The following ESRRA variants were observed in gnomAD, a reference collection of about 807,000 sequenced individuals.
ESRRA encodes steroid hormone receptor ERR1.
In ESRRA, 7 loss-of-function variants were observed where a neutral mutation model predicts 35.6. The observed-to-expected ratio is 0.20, with a 90% confidence interval of 0.11 to 0.37. The LOEUF (loss-of-function observed/expected upper bound fraction) is 0.37, where lower values mean the gene tolerates loss of function less well. ESRRA is among the 10% of genes least tolerant of loss of function. The pLI is 1.00. For missense variants in ESRRA, 378 were observed against 561.7 expected (o/e 0.67, Z 3.31); for synonymous variants, 223 against 246.9 (o/e 0.90, Z 0.91).
Position 64,309,066 on chromosome 11 carries a change from G to A in ESRRA, c.325+1562G>A, listed in dbSNP as rs201789137. On this transcript the variant is annotated intron_variant, in intron 2 of 6. Transcript: ENST00000000442. ...GCAGAGGTTGCAATGAGCCCAGATC[G>A]CGCCATTGCACTCTAGCCTGCGCAA... Among the ~76,000 whole-genome samples, 279 of 145,742 alleles carry A rather than the reference G, an allele frequency of 1.9e-3. 2 individuals are homozygous for A. Among genetic ancestry groups the A allele is most frequent in the East Asian group, 0.017 (83 of 4,838 alleles).
At chr11:64,314,665 C>A in intron 4 of ESRRA, 76 bp from the exon 5 acceptor site, 1 of 1,432,102 alleles carries the variant, frequency 7.0e-7, no homozygotes, top group South Asian at 1.3e-5. Context: ...CAGGGGGAGC[C>A]ACTGTGGGAA....
Position 64,313,068 on chromosome 11 carries a change from A to G in ESRRA, c.326-883A>G, listed in dbSNP as rs1355280838. Among the ~76,000 whole-genome samples, 1 of 152,138 alleles carries G rather than the reference A, an allele frequency of 6.6e-6. No individual in the cohort carries two copies. Among genetic ancestry groups the G allele is most frequent in the Admixed American group, 6.5e-5 (1 of 15,268 alleles). The stretch of plus-strand genomic sequence containing the variant: ...CCCTCTTGGCTGCTGAGTCGAGAAC[A>G]GACTGGAGCAAGCAGGGACAGCCAA... On this transcript the variant is annotated intron_variant, in intron 2 of 6. Coordinates refer to ENST00000000442, the MANE Select transcript of ESRRA (RefSeq NM_004451.5). The surrounding 1 kb of genome is among the most constrained non-coding windows in gnomAD (Gnocchi z 4.0).
chr11:64,311,416 C>CTT (rs5792321), intron 2 of ESRRA, among the ~76,000 whole-genome samples: 1 of 125,676 alleles, frequency 8.0e-6, no homozygotes, highest in Non-Finnish European at 1.7e-5. Flanking sequence ...GAGGGCTTGT[C>CTT]TTTTTTTTTT....
Position 64,313,286 on chromosome 11 carries a change from G to T in ESRRA, c.326-665G>T, listed in dbSNP as rs1227425876. Among the ~76,000 whole-genome samples the T allele has an allele frequency of 1.3e-5, 2 of 152,300 alleles. No individual in the cohort carries two copies. The highest frequency in any genetic ancestry group is 3.9e-4 in the East Asian group (2 of 5,178). ...AAGTGAACACGTGGAGTCCACGTAG[G>T]CTGTGTTCGGTCCGAGATGCCTTCT... On this transcript the variant is annotated intron_variant, in intron 2 of 6. Transcript: ENST00000000442. This position sits in a 1 kb window ranked among gnomAD's most constrained non-coding sequence, Gnocchi z 4.0.
Position 64,313,743 on chromosome 11 carries a change from C to T in ESRRA, c.326-208C>T, listed in dbSNP as rs2035184932. 1 of 527,014 alleles carries T rather than the reference C, an allele frequency of 1.9e-6. No individual in the cohort carries two copies. Among genetic ancestry groups the T allele is most frequent in the African/African-American group, 1.9e-5 (1 of 52,108 alleles). The allele number at this position is 527,014 out of a possible 1,614,324, so 32.6% of individuals were successfully genotyped here. ...GGCTTGGGGCTGAGATGCAGCCCCG[C>T]TGCCTGGTCCAGCTCCTCCCTCATC... On this transcript the variant is annotated intron_variant, in intron 2 of 6. Transcript: ENST00000000442. The surrounding 1 kb of genome is among the most constrained non-coding windows in gnomAD (Gnocchi z 4.0).
chr11:64,311,997 G>A (rs866821529), intron 2 of ESRRA, among the ~76,000 whole-genome samples: 1 of 1,624 alleles, frequency 6.2e-4, no homozygotes. Context: ...TTTTTTTTTG[G>A]TACAGAGTTT....
chr11:64,308,539 G>T (rs1186526671), intron 2 of ESRRA, among the ~76,000 whole-genome samples: 6 of 106,186 alleles, frequency 5.7e-5, no homozygotes, highest in Non-Finnish European at 1.2e-4. Context: ...AAAAAAAAAA[G>T]GCCGGGCACT....
chr11:64,306,315 GC>G, intron 1 of ESRRA: 1 of 152,462 alleles, frequency 6.6e-6, no homozygotes, highest in African/African-American at 2.4e-5. Flanking sequence ...GGGACGCGGC[GC>G]CCCGGGAGGT....
In ESRRA at chr11:64,316,704, C is replaced by T. The variant is rs1327001716; in HGVS notation, c.*738C>T. Reference sequence around the variant, plus strand: ...AAGAGAAACCGCTTTTGGTTTTAAACCTTTAATGAGAAAAAAATATATAAT... The same window carrying T: ...AAGAGAAACCGCTTTTGGTTTTAAATCTTTAATGAGAAAAAAATATATAAT... On this transcript the variant is annotated 3_prime_UTR_variant, in exon 7 of 7. Coordinates refer to ENST00000000442, the MANE Select transcript of ESRRA (RefSeq NM_004451.5). 3.2e-6 allele frequency: 2 copies of T among 621,862 alleles called. No homozygotes were observed. Among genetic ancestry groups the T allele is most frequent in the Non-Finnish European group, 5.8e-6 (2 of 344,186 alleles). The allele number at this position is 621,862 out of a possible 1,614,324, so 38.5% of individuals were successfully genotyped here.
Position 64,313,027 on chromosome 11 carries a change from T to C in ESRRA, c.326-924T>C, listed in dbSNP as rs1008242490. Among the ~76,000 whole-genome samples the C allele has an allele frequency of 6.6e-6, 1 of 152,002 alleles. No individual in the cohort carries two copies. Among genetic ancestry groups the C allele is most frequent in the Non-Finnish European group, 1.5e-5 (1 of 68,006 alleles). ...TGAGAAGAGGAGGTACAGGATGTAA[T>C]GGAGGCTTAATAGGACCCTCTTGGC... On this transcript the variant is annotated intron_variant, in intron 2 of 6. Transcript: ENST00000000442. This position sits in a 1 kb window ranked among gnomAD's most constrained non-coding sequence, Gnocchi z 4.0.
chr11:64,315,736 G>A lies in ESRRA; in HGVS notation c.1042G>A (p.Val348Met), dbSNP rs2035239596. 1 of 1,613,958 alleles carries A rather than the reference G, an allele frequency of 6.2e-7. No individual in the cohort carries two copies. Among genetic ancestry groups the A allele is most frequent in the Non-Finnish European group, 8.5e-7 (1 of 1,179,824 alleles). Residue 348 changes from valine to methionine, a missense_variant, in exon 7 of 7, where the codon GTG (valine) becomes ATG (methionine). By Grantham distance (21) the Val-to-Met change is conservative. Transcript: ENST00000000442. The stretch of plus-strand genomic sequence containing the variant: ...TGTGCACATCGAAGATGCCGAGGCT[G>A]TGGAGCAGCTGCGAGAAGCTCTGCA... Reference protein sequence around the residue: ...DSVHIEDAEAVEQLREALHEA... With the variant: ...DSVHIEDAEAMEQLREALHEA...
chr11:64,307,670 G>A (rs1320391070), intron 2 of ESRRA, among the ~76,000 whole-genome samples, 166 bp downstream of exon 2: 1 of 152,232 alleles, frequency 6.6e-6, no homozygotes, highest in East Asian at 1.9e-4. Context: ...TATGGTAAAA[G>A]CACCGGGTGT....
chr11:64,310,266 G>A (rs1428192591), intron 2 of ESRRA, among the ~76,000 whole-genome samples: 1 of 144,438 alleles, frequency 6.9e-6, no homozygotes, highest in Non-Finnish European at 1.5e-5. Context: ...AGACAGTCTC[G>A]TGTGGTCGCC....
rs1472445616 is a variant in ESRRA, at chr11:64,316,191, T to A, written c.*225T>A. On this transcript the variant is annotated 3_prime_UTR_variant, in exon 7 of 7. Coordinates refer to ENST00000000442, the MANE Select transcript of ESRRA (RefSeq NM_004451.5). Reference sequence around the variant, plus strand: ...AGGCTCTGGGCACAGTGCTGCCCCTTGCAAGCCATAACGTGCCCCCAGAGT... The same window carrying A: ...AGGCTCTGGGCACAGTGCTGCCCCTAGCAAGCCATAACGTGCCCCCAGAGT... 1 of 516,162 alleles carries A rather than the reference T, an allele frequency of 1.9e-6. No individual in the cohort carries two copies. Among genetic ancestry groups the A allele is most frequent in the Non-Finnish European group, 3.4e-6 (1 of 295,196 alleles). 32.0% of individuals were successfully genotyped at this position (516,162 alleles called of 1,614,324 possible).
chr11:64,311,457 C>T (rs1591242485), intron 2 of ESRRA, among the ~76,000 whole-genome samples: 1 of 151,802 alleles, frequency 6.6e-6, no homozygotes, highest in South Asian at 2.1e-4. Flanking sequence ...GCTTTGTTGC[C>T]CAGGCTAGAG....
At chr11:64,309,796 G>T (rs191683889) in intron 2 of ESRRA, among the ~76,000 whole-genome samples, 1 of 151,874 alleles carries the variant, frequency 6.6e-6, no homozygotes, top group African/African-American at 2.4e-5. Context: ...GCCAGGTGTC[G>T]TGGTGGGTGC....
chr11:64,306,727 G>A, intron 1 of ESRRA: 1 of 155,420 alleles, frequency 6.4e-6, no homozygotes, highest in Non-Finnish European at 1.4e-5. Flanking sequence ...GTGTGAGCAC[G>A]TCCACTGGCC....
Sources: allele counts gnomAD v4.1 joint callset (sites outside exome capture counted in the v4.1 genomes callset), GRCh38; gene constraint gnomAD v4.1.1; non-coding constraint Gnocchi (gnomAD v3.1); transcripts MANE v1.5; gene names NCBI Gene and HGNC (gene_info 2026-07-23, HGNC 2026-07-21).